Variants in CTSB observed in about 807,000 individuals in gnomAD.
The protein encoded by CTSB is cathepsin B.
In CTSB, 57 loss-of-function variants were observed where a neutral mutation model predicts 44.3. That is an observed-to-expected ratio of 1.29 (90% CI 1.04 to 1.60). The LOEUF (loss-of-function observed/expected upper bound fraction) is 1.60, where lower values mean the gene tolerates loss of function less well. Among genes scored for constraint, CTSB ranks in the 40% most tolerant of loss-of-function variants. The pLI, the probability that CTSB is intolerant of heterozygous loss-of-function variation, is 0.00. For missense variants in CTSB, 768 were observed against 443.0 expected (o/e 1.73, Z -6.59); for synonymous variants, 320 against 168.0 (o/e 1.91, Z -7.00).
In CTSB at chr8:11,845,312, C is replaced by G. The variant is rs913874960; in HGVS notation, c.923-90G>C. The G allele has an allele frequency of 1.1e-5, 11 of 989,316 alleles. No individual in the cohort carries two copies. In the African/African-American group the frequency reaches 1.6e-4, roughly 14 times the overall value. 61.3% of individuals were successfully genotyped at this position (989,316 alleles called of 1,614,324 possible). A position where few individuals can be genotyped will look rare whatever the true frequency, so the allele number is the denominator to read the frequency against. On this transcript the variant is annotated intron_variant, in intron 9 of 9. Transcript: ENST00000353047. ...CCTTAAAAGACCTTAAGTCACTCAT[C>G]CCTGGCCACTCCTGCTGTTGGCCCA...
intron 1 of CTSB, among the ~76,000 whole-genome samples, chr8:11,857,585 G>T (rs952731314): frequency 6.6e-6 from 1 of 152,190 alleles, no homozygotes; most frequent in South Asian, 2.1e-4. Context: ...TGGTGGCTGA[G>T]AACACAGGCA....
intron 9 of CTSB, 96 bp downstream of exon 9, chr8:11,845,565 T>C (rs750597655): frequency 6.6e-5 from 97 of 1,467,746 alleles, no homozygotes; most frequent in Non-Finnish European, 8.9e-5. Flanking sequence ...GTCCAGGGTT[T>C]AAGGCTGTGC....
At chr8:11,846,013 T>G (rs371472623) in intron 8 of CTSB, 3 of 391,622 alleles carry the variant, frequency 7.7e-6, no homozygotes, top group South Asian at 7.2e-5. Flanking sequence ...TTGAAATAGA[T>G]TCCTACAAAA....
At chr8:11,846,476 T>C (rs1346484529) in intron 8 of CTSB, 1 of 152,654 alleles carries the variant, frequency 6.6e-6, no homozygotes, top group Non-Finnish European at 1.5e-5. Flanking sequence ...CAGCAAAGAC[T>C]GTTCATCTGG....
chr8:11,845,810 T>G (rs1554540503), intron 8 of CTSB, 21 bp from the exon 9 acceptor site: 1 of 1,601,568 alleles, frequency 6.2e-7, no homozygotes, highest in Non-Finnish European at 8.5e-7. Flanking sequence ...AAGAACTGGC[T>G]GAGACCGAGA....
At chr8:11,847,432 T>C (rs928944260) in intron 7 of CTSB, among the ~76,000 whole-genome samples, 1 of 152,112 alleles carries the variant, frequency 6.6e-6, no homozygotes, top group African/African-American at 2.4e-5. Context: ...GACACGCCAC[T>C]CCCTTGTAAA....
At chr8:11,853,618 G>C (rs1815002137) in intron 1 of CTSB, 139 bp from the exon 2 acceptor site, 1 of 805,014 alleles carries the variant, frequency 1.2e-6, no homozygotes, top group Non-Finnish European at 1.9e-6. Context: ...AGGAGCTGAG[G>C]TGTCTATGGG....
intron 4 of CTSB, among the ~76,000 whole-genome samples, chr8:11,850,438 A>AAAAAAAAAAC (rs1814359729): frequency 1.4e-5 from 1 of 69,012 alleles, no homozygotes; most frequent in African/African-American, 5.2e-5. Context: ...AAAAAAAAAA[A>AAAAAAAAAAC]AAAGAAAGAA....
intron 1 of CTSB, among the ~76,000 whole-genome samples, chr8:11,859,309 G>C (rs1736105): frequency 1.7e-4 from 26 of 152,122 alleles, no homozygotes; most frequent in Admixed American, 1.5e-3. Flanking sequence ...CGGCACCCTA[G>C]ACTACCTTGA....
At chr8:11,853,764 C>G (rs528147795) in intron 1 of CTSB, 1 of 306,264 alleles carries the variant, frequency 3.3e-6, no homozygotes, top group African/African-American at 2.1e-5. Context: ...TATTTTTAAA[C>G]GGCCTTTGCA....
rs781750534 is a variant in CTSB, at chr8:11,845,610, G to A, written c.922+51C>T. The A allele has an allele frequency of 4.4e-6, 7 of 1,591,330 alleles. No individual in the cohort carries two copies. In the Admixed American group the frequency reaches 6.8e-5, roughly 15 times the overall value. ...AACAGAGAAAGCCGAGATGGCCACG[G>A]GGTGTGGCTCACAATTCACTGTTCT... is the stretch of plus-strand genomic sequence containing the variant. On this transcript the variant is annotated intron_variant, in intron 9 of 9. Coordinates refer to ENST00000353047, the MANE Select transcript of CTSB (RefSeq NM_001908.5).
chr8:11,843,329 A>G lies in CTSB; in HGVS notation c.*1796T>C, dbSNP rs1308230602. 6.6e-6 allele frequency: 1 copy of G among 152,222 alleles called. No individual in the cohort carries two copies. The highest frequency in any genetic ancestry group is 1.5e-5 in the Non-Finnish European group (1 of 68,040). 9.4% of individuals were successfully genotyped at this position (152,222 alleles called of 1,614,324 possible). A position where few individuals can be genotyped will look rare whatever the true frequency, so the allele number is the denominator to read the frequency against. ...CAGATTTTCAGAGCTTATTTGATCT[A>G]GCATCTGGTTCCTAAATTCTGAGTC... On this transcript the variant is annotated 3_prime_UTR_variant, in exon 10 of 10. Coordinates refer to ENST00000353047, the MANE Select transcript of CTSB (RefSeq NM_001908.5).
chr8:11,848,952 A>G (rs953492795), intron 5 of CTSB, 94 bp downstream of exon 5: 2 of 838,546 alleles, frequency 2.4e-6, no homozygotes, highest in East Asian at 5.1e-5. Flanking sequence ...GACTCGCAGC[A>G]GTCCCAGGAA....
intron 1 of CTSB, among the ~76,000 whole-genome samples, chr8:11,856,378 C>G (rs1170066687): frequency 6.6e-6 from 1 of 151,892 alleles, no homozygotes; most frequent in Non-Finnish European, 1.5e-5. Flanking sequence ...ATGCCTGTAG[C>G]CGAGGCGGTT....
At chr8:11,847,014 A>ACCCCC in intron 8 of CTSB, 38 bp downstream of exon 8, 1 of 711,150 alleles carries the variant, frequency 1.4e-6, no homozygotes. Context: ...TCCCCTCCCG[A>ACCCCC]CCCCCACCCT....
chr8:11,856,065 G>C (rs903510377), intron 1 of CTSB, among the ~76,000 whole-genome samples: 3 of 151,984 alleles, frequency 2.0e-5, no homozygotes, highest in African/African-American at 7.3e-5. Flanking sequence ...TTCAACCTCA[G>C]GGAGGTGCAG....
In CTSB at chr8:11,857,199, G is replaced by C. The variant is rs545459297; in HGVS notation, c.-25-3720C>G. ...CTACCACGTTTGGCTAATTTTTGTA[G>C]TATAGTCCGTGTTTCGTTATGTTGG... On this transcript the variant is annotated intron_variant, in intron 1 of 9. Coordinates refer to ENST00000353047, the MANE Select transcript of CTSB (RefSeq NM_001908.5). Among the ~76,000 whole-genome samples, 13 of 152,246 alleles carry C rather than the reference G, an allele frequency of 8.5e-5. No individual in the cohort carries two copies. In the South Asian group the frequency reaches 2.5e-3, roughly 29 times the overall value.
chr8:11,854,983 A>T (rs1276369663), intron 1 of CTSB: 2 of 152,298 alleles, frequency 1.3e-5, no homozygotes, highest in Admixed American at 6.5e-5. Flanking sequence ...GAATCTTCAC[A>T]CTGGACTCCT....
chr8:11,863,132 G>C (rs1456700268), intron 1 of CTSB, among the ~76,000 whole-genome samples: 1 of 152,178 alleles, frequency 6.6e-6, no homozygotes, highest in Non-Finnish European at 1.5e-5. Flanking sequence ...GGGCAGGATA[G>C]TGACCTCGTC....
Sources: gnomAD v4.1 joint callset for allele counts (sites outside exome capture counted in the v4.1 genomes callset) on GRCh38, gnomAD v4.1.1 for gene constraint, MANE v1.5 for transcripts, NCBI Gene and HGNC (gene_info 2026-07-23, HGNC 2026-07-21) for gene names.